Variants in RPS6KC1 observed in about 807,000 individuals in gnomAD.
The protein encoded by RPS6KC1 is inactive ribosomal protein S6 kinase delta-1.
A neutral mutation model predicts 103.8 loss-of-function variants in RPS6KC1; 54 were observed. The ratio of observed to expected loss-of-function variants is 0.52; its 90% CI spans 0.42 to 0.65. The LOEUF (loss-of-function observed/expected upper bound fraction) is 0.65, where lower values mean the gene tolerates loss of function less well. Among genes scored for constraint, RPS6KC1 ranks in the 30% least tolerant of loss-of-function variants. The pLI, the probability that RPS6KC1 is intolerant of heterozygous loss-of-function variation, is 0.00. For synonymous variants in RPS6KC1, 439 were observed against 438.7 expected (o/e 1.00, Z -0.01); for missense variants, 1,151 against 1,253.8 (o/e 0.92, Z 1.24).
the RPS6KC1 span, among the ~76,000 whole-genome samples, chr1:213,823,836 T>A: frequency 1.7e-4 from 26 of 152,086 alleles, no homozygotes; most frequent in African/African-American, 4.3e-4. Context: ...TGTTCTAAAC[T>A]TTTTACATAT....
At chr1:213,593,825 G>A in the RPS6KC1 span, among the ~76,000 whole-genome samples, 3 of 152,176 alleles carry the variant, frequency 2.0e-5, no homozygotes, top group Admixed American at 6.5e-5. Context: ...TGGGCACTCA[G>A]TCAGTGTGAC....
chr1:213,240,792 C>T lies in RPS6KC1; in HGVS notation c.1316C>T (p.Ala439Val), dbSNP rs200446126. The T allele has an allele frequency of 1.9e-6, 3 of 1,613,852 alleles. No homozygotes were observed. In the South Asian group the frequency reaches 3.3e-5, roughly 18 times the overall value. The change falls in exon 11 of 15, where the codon GCA becomes GTA. Residue 439 changes from alanine to valine, a missense_variant. This residue lies in a region of RPS6KC1 where 959 missense variants were observed against 1,006.3 expected (regional missense o/e 0.95). Coordinates refer to ENST00000366960, the MANE Select transcript of RPS6KC1 (RefSeq NM_012424.6). ...DIKEVKKPTL[A>V]KVHLQQPTSS... Reference sequence around the variant, plus strand: ...AAGGAAGTGAAAAAACCTACACTTGCAAAAGTTCACCTGCAGCAGCCAACT... The same window carrying T: ...AAGGAAGTGAAAAAACCTACACTTGTAAAAGTTCACCTGCAGCAGCCAACT...
downstream of RPS6KC1, among the ~76,000 whole-genome samples, chr1:213,275,170 C>T (rs1231634589): frequency 1.3e-5 from 2 of 152,212 alleles, no homozygotes; most frequent in African/African-American, 4.8e-5. Context: ...AATATTCCAT[C>T]ATATGTATTA....
the RPS6KC1 span, among the ~76,000 whole-genome samples, chr1:213,673,365 T>C: frequency 2.6e-5 from 4 of 152,226 alleles, no homozygotes; most frequent in Non-Finnish European, 1.5e-5. Flanking sequence ...ACTTTCACTG[T>C]TGGTAAACCT....
the RPS6KC1 span, among the ~76,000 whole-genome samples, chr1:213,733,498 A>G: frequency 6.7e-6 from 1 of 150,196 alleles, no homozygotes; most frequent in African/African-American, 2.4e-5. Flanking sequence ...TGGCCTCCCA[A>G]AGTGATGGGA....
At position 213,273,305 on chromosome 1, in the gene RPS6KC1, T is replaced by C. The variant is rs569777291; in HGVS notation, c.*671T>C. The C allele has an allele frequency of 6.6e-6, 1 of 152,484 alleles. No individual in the cohort carries two copies. The allele number at this position is 152,484 out of a possible 1,614,324, so 9.4% of individuals were successfully genotyped here. A position where few individuals can be genotyped will look rare whatever the true frequency, so the allele number is the denominator to read the frequency against. ...TCTGTGTCTTCAACAGCATCTTTCT[T>C]TCCCCATCTTTCTATTTTCTGCACC... On this transcript the variant is annotated 3_prime_UTR_variant, in exon 15 of 15. Coordinates refer to ENST00000366960, the MANE Select transcript of RPS6KC1 (RefSeq NM_012424.6).
chr1:213,796,177 A>G, the RPS6KC1 span, among the ~76,000 whole-genome samples: 1 of 152,228 alleles, frequency 6.6e-6, no homozygotes. Context: ...AATGTTCAGT[A>G]ACCCAATATT....
chr1:213,575,978 T>G, the RPS6KC1 span, among the ~76,000 whole-genome samples: 2 of 151,888 alleles, frequency 1.3e-5, no homozygotes, highest in African/African-American at 4.8e-5. Context: ...TTCCCAAGAG[T>G]AAAATGGGGG....
At chr1:213,619,456 C>T in the RPS6KC1 span, among the ~76,000 whole-genome samples, 2 of 152,232 alleles carry the variant, frequency 1.3e-5, no homozygotes, top group Admixed American at 6.5e-5. Context: ...TTAAAATCCA[C>T]ACACACCACT....
At chr1:213,500,278 C>T in the RPS6KC1 span, among the ~76,000 whole-genome samples, 2 of 152,110 alleles carry the variant, frequency 1.3e-5, no homozygotes. Context: ...TGGGCCTACA[C>T]AAAGTCAGGA....
At chr1:213,391,597 A>C in the RPS6KC1 span, among the ~76,000 whole-genome samples, 1 of 152,346 alleles carries the variant, frequency 6.6e-6, no homozygotes, top group African/African-American at 2.4e-5. Context: ...GGCTCTGGAC[A>C]TGGATCAAGT....
chr1:213,610,732 A>G, the RPS6KC1 span, among the ~76,000 whole-genome samples: 1 of 152,198 alleles, frequency 6.6e-6, no homozygotes, highest in African/African-American at 2.4e-5. Context: ...ACAATACATT[A>G]CATATGTCGG....
rs1165268406 is a variant in RPS6KC1, at chr1:213,151,227, C to T, written c.836-16631C>T. Among the ~76,000 whole-genome samples the T allele has an allele frequency of 8.2e-5, 11 of 134,054 alleles. No homozygotes were observed. In the East Asian group the frequency reaches 2.7e-3, roughly 33 times the overall value. The allele number at this position is 134,054 out of a possible 152,430, so 87.9% of individuals were successfully genotyped here. On this transcript the variant is annotated intron_variant, in intron 6 of 14. Transcript: ENST00000366960. Reference sequence around the variant, plus strand: ...GCTGGCCAGGCGGGGGGCTGACCCCCCCACCTCCCTCCCGGACGGGGCGGC... The same window carrying T: ...GCTGGCCAGGCGGGGGGCTGACCCCTCCACCTCCCTCCCGGACGGGGCGGC...
the RPS6KC1 span, chr1:213,731,627 A>G: frequency 1.3e-5 from 2 of 152,240 alleles, no homozygotes. Flanking sequence ...TTCTATGTCT[A>G]GAAATATATC....
chr1:213,111,640 A>C (rs369578952), intron 4 of RPS6KC1, among the ~76,000 whole-genome samples: 1 of 152,322 alleles, frequency 6.6e-6, no homozygotes, highest in Admixed American at 6.5e-5. Context: ...ACATTGTTCT[A>C]AATACTCTGT....
intron 1 of RPS6KC1, among the ~76,000 whole-genome samples, chr1:213,060,242 C>T (rs2077711204): frequency 6.6e-6 from 1 of 152,184 alleles, no homozygotes; most frequent in Admixed American, 6.5e-5. Context: ...ATTTTAAATC[C>T]TTAACCTGTT....
At chr1:213,117,221 A>G in intron 4 of RPS6KC1, 96 bp from the exon 5 acceptor site, 1 of 635,324 alleles carries the variant, frequency 1.6e-6, no homozygotes, top group Non-Finnish European at 2.7e-6. Flanking sequence ...TCGTTTCTGT[A>G]CATCTTTACA....
chr1:213,838,898 T>C, the RPS6KC1 span, among the ~76,000 whole-genome samples: 1 of 152,204 alleles, frequency 6.6e-6, no homozygotes, highest in South Asian at 2.1e-4. Flanking sequence ...CTGGATTAGA[T>C]GCTTAAAGCA....
At chr1:213,299,745 A>C in the RPS6KC1 span, among the ~76,000 whole-genome samples, 1 of 152,186 alleles carries the variant, frequency 6.6e-6, no homozygotes, top group Non-Finnish European at 1.5e-5. Flanking sequence ...TACTGTCTTC[A>C]AGGTCCAGTG....
Sources: allele counts gnomAD v4.1 joint callset (sites outside exome capture counted in the v4.1 genomes callset), GRCh38; gene constraint gnomAD v4.1.1; regional missense constraint gnomAD v4.1.1; transcripts MANE v1.5; gene names NCBI Gene and HGNC (gene_info 2026-07-23, HGNC 2026-07-21).